TNRC6B: variants seen among roughly 807,000 people sequenced by gnomAD.
TNRC6B encodes the protein trinucleotide repeat containing adaptor 6B.
Under a neutral mutation model 203.6 loss-of-function variants are expected in TNRC6B, and 52 were observed. That is an observed-to-expected ratio of 0.26 (90% CI 0.20 to 0.32). The LOEUF is 0.32. Among genes scored for constraint, TNRC6B ranks in the 10% least tolerant of loss-of-function variants. The pLI is 1.00. For synonymous variants in TNRC6B, 838 were observed against 845.7 expected (o/e 0.99, Z 0.16); for missense variants, 1,923 against 2,286.2 (o/e 0.84, Z 3.24).
At position 40,330,891 on chromosome 22, in the gene TNRC6B, AAG is replaced by A. The variant is rs1318787615; in HGVS notation, c.*7654_*7655del. Reference sequence around the variant, plus strand: ...TATTGCACAGTGTAGAGTTGAGTGGAAGAGATTCTGGGACTTGGGAGAGGAGA... The same window carrying A: ...TATTGCACAGTGTAGAGTTGAGTGGAAGATTCTGGGACTTGGGAGAGGAGA... On this transcript the variant is annotated 3_prime_UTR_variant, in exon 23 of 23. Coordinates refer to ENST00000454349, the MANE Select transcript of TNRC6B (RefSeq NM_001162501.2). The A allele has an allele frequency of 6.6e-6, 1 of 152,488 alleles. No individual in the cohort carries two copies. Among genetic ancestry groups the A allele is most frequent in the Admixed American group, 6.5e-5 (1 of 15,268 alleles). 9.4% of individuals were successfully genotyped at this position (152,488 alleles called of 1,614,324 possible).
At chr22:40,298,208 A>T (rs2070971848) in intron 12 of TNRC6B, among the ~76,000 whole-genome samples, 1 of 152,238 alleles carries the variant, frequency 6.6e-6, no homozygotes, top group African/African-American at 2.4e-5. Flanking sequence ...ACATGAGGGA[A>T]CAAAAGCATG....
chr22:40,111,284 G>A (rs1010872037), intron 1 of TNRC6B, among the ~76,000 whole-genome samples: 13 of 136,384 alleles, frequency 9.5e-5, no homozygotes, highest in African/African-American at 4.8e-4. Flanking sequence ...GCAGTGGGGC[G>A]AGCAGGGACC....
intron 1 of TNRC6B, among the ~76,000 whole-genome samples, chr22:40,215,155 T>C (rs925615449): frequency 2.0e-4 from 30 of 152,214 alleles, no homozygotes; most frequent in African/African-American, 6.8e-4. Flanking sequence ...GGTGTCACTT[T>C]TTCTTAGTGG....
At chr22:40,144,867 G>A (rs1197254742) in intron 3 of TNRC6B, among the ~76,000 whole-genome samples, 2 of 151,906 alleles carry the variant, frequency 1.3e-5, no homozygotes, top group African/African-American at 4.8e-5. Context: ...GGGGCATGTA[G>A]AAGTTTTCTG....
At chr22:40,048,057 A>T (rs2067707376) in intron 1 of TNRC6B, among the ~76,000 whole-genome samples, 1 of 152,222 alleles carries the variant, frequency 6.6e-6, no homozygotes, top group Non-Finnish European at 1.5e-5. Flanking sequence ...GGGGTCTTGG[A>T]AAATTCTGTC....
chr22:40,299,421 T>G (rs1221814181), intron 12 of TNRC6B, among the ~76,000 whole-genome samples: 1 of 152,102 alleles, frequency 6.6e-6, no homozygotes, highest in Non-Finnish European at 1.5e-5. Context: ...GTATTTTTAG[T>G]AGAGACGGGG....
At chr22:40,161,761 A>G (rs1040142503) in intron 4 of TNRC6B, among the ~76,000 whole-genome samples, 18 of 152,216 alleles carry the variant, frequency 1.2e-4, no homozygotes, top group African/African-American at 2.7e-4. Flanking sequence ...TTTATTTACT[A>G]TTAGTCTATC....
intron 1 of TNRC6B, among the ~76,000 whole-genome samples, chr22:40,108,088 G>C (rs2068301786): frequency 6.6e-6 from 1 of 152,096 alleles, no homozygotes; most frequent in South Asian, 2.1e-4. Flanking sequence ...AAGACTTTGA[G>C]ACTGCAGCAG....
In TNRC6B at chr22:40,202,105, G is replaced by A. The variant is rs560129063; in HGVS notation, c.5+23965G>A. Reference sequence around the variant, plus strand: ...TACTGTCTTGAGAACTTTGCCTGATGAGCTTTGAATGTCAGAGAAAGGAAT... The same window carrying A: ...TACTGTCTTGAGAACTTTGCCTGATAAGCTTTGAATGTCAGAGAAAGGAAT... On this transcript the variant is annotated intron_variant, in intron 1 of 22. Transcript: ENST00000454349. Among the ~76,000 whole-genome samples, 4 of 152,214 alleles carry A rather than the reference G, an allele frequency of 2.6e-5. No homozygotes were observed. The East Asian group carries it at 5.8e-4, about 22-fold the overall frequency.
At chr22:40,206,354 C>T (rs2069477608) in intron 1 of TNRC6B, among the ~76,000 whole-genome samples, 2 of 151,932 alleles carry the variant, frequency 1.3e-5, no homozygotes, top group African/African-American at 2.4e-5. Flanking sequence ...ATTATAGTAC[C>T]AAGAGAAAAT....
chr22:40,172,170 A>C (rs775603342), intron 4 of TNRC6B, among the ~76,000 whole-genome samples: 1 of 152,174 alleles, frequency 6.6e-6, no homozygotes, highest in African/African-American at 2.4e-5. Flanking sequence ...ATGAGCCACC[A>C]TGCCCGGCCT....
At chr22:40,215,247 G>C (rs992785649) in intron 1 of TNRC6B, among the ~76,000 whole-genome samples, 1 of 151,554 alleles carries the variant, frequency 6.6e-6, no homozygotes, top group African/African-American at 2.4e-5. Flanking sequence ...AGCCATGTTG[G>C]AAAAGCACAG....
rs200038232 is a variant in TNRC6B at position 40,127,732 on chromosome 22, T to TG, written c.45+1872dup. ...AAAAAATACAAAAATTAGTTGGGCA[T>TG]GGTGGTGCATGCCTGCAGTCCCAGC... On this transcript the variant is annotated intron_variant, in intron 3 of 23. Coordinates refer to the TNRC6B transcript ENST00000301923. 5.4e-3 allele frequency among the ~76,000 whole-genome samples: 824 copies of TG among 152,260 alleles called. 8 individuals carry two copies. Among genetic ancestry groups the TG allele is most frequent in the African/African-American group, 0.019 (797 of 41,548 alleles).
chr22:40,271,945 C>A (rs553927470), intron 6 of TNRC6B, among the ~76,000 whole-genome samples: 1 of 151,444 alleles, frequency 6.6e-6, no homozygotes, highest in Non-Finnish European at 1.5e-5. Flanking sequence ...AAAAATTAGA[C>A]CTCTCTTATC....
intron 1 of TNRC6B, among the ~76,000 whole-genome samples, chr22:40,098,682 T>C (rs2068207693): frequency 6.6e-6 from 1 of 152,120 alleles, no homozygotes; most frequent in Non-Finnish European, 1.5e-5. Flanking sequence ...TATAAAAATA[T>C]TTTTACCCAT....
chr22:40,261,768 A>T (rs984670237), intron 3 of TNRC6B, 64 bp from the exon 4 acceptor site: 20 of 1,275,910 alleles, frequency 1.6e-5, no homozygotes, highest in African/African-American at 7.5e-5. Context: ...AATTATTTTT[A>T]AAATTTTTAG....
At chr22:40,086,139 G>T (rs1205352904) in intron 1 of TNRC6B, among the ~76,000 whole-genome samples, 1 of 152,082 alleles carries the variant, frequency 6.6e-6, no homozygotes, top group Non-Finnish European at 1.5e-5. Flanking sequence ...CCAGAGTGCT[G>T]GGATTACAGG....
chr22:40,154,233 A>T (rs965277023), intron 3 of TNRC6B, among the ~76,000 whole-genome samples: 1 of 151,780 alleles, frequency 6.6e-6, no homozygotes, highest in Non-Finnish European at 1.5e-5. Flanking sequence ...GGAGGCCAAG[A>T]CGGGTGGATC....
chr22:40,293,195 T>TTTTTC (rs2146537470), intron 12 of TNRC6B, among the ~76,000 whole-genome samples: 1 of 138,334 alleles, frequency 7.2e-6, no homozygotes, highest in East Asian at 2.2e-4. Context: ...CTTTTCTTTT[T>TTTTTC]TTTTTTTTTT....
Sources: allele counts gnomAD v4.1 joint callset (sites outside exome capture counted in the v4.1 genomes callset), GRCh38; gene constraint gnomAD v4.1.1; transcripts MANE v1.5; gene names NCBI Gene and HGNC (gene_info 2026-07-23, HGNC 2026-07-21).